MED13: variants seen among roughly 807,000 people sequenced by gnomAD.
MED13 encodes mediator complex subunit 13, also known as mediator of RNA polymerase II transcription subunit 13.
MED13 carries 23 observed loss-of-function variants against 225.2 expected under a neutral mutation model. The ratio of observed to expected loss-of-function variants is 0.10; its 90% CI spans 0.07 to 0.14. The LOEUF is 0.14. Ranked by LOEUF, MED13 falls within the 10% of genes least tolerant of loss-of-function variation. The pLI is 1.00. For missense variants in MED13, 2,197 were observed against 2,594.5 expected, an observed-to-expected ratio of 0.85 and a Z score of 3.33; for synonymous variants, 942 against 889.2, an observed-to-expected ratio of 1.06 and a Z score of -1.06.
At chr17:62,059,379 C>G (rs2081020356) in intron 2 of MED13, among the ~76,000 whole-genome samples, 1 of 152,164 alleles carries the variant, frequency 6.6e-6, no homozygotes. Flanking sequence ...TCCCTCACTA[C>G]CAAGAAAAAC....
Position 62,008,357 on chromosome 17 carries a change from T to C in MED13, c.1967+2193A>G, listed in dbSNP as rs2080474577. On this transcript the variant is annotated intron_variant, in intron 9 of 29. Coordinates refer to ENST00000397786, the MANE Select transcript of MED13 (RefSeq NM_005121.3). ...AAAAAAAAAAAATTGAGTTAGCCTT[T>C]CAAGTGCCCAGCACAAGGACTGGAA... 2.1e-5 allele frequency among the ~76,000 whole-genome samples: 3 copies of C among 145,800 alleles called. No homozygotes were observed. The South Asian group carries it at 6.5e-4, about 32-fold the overall frequency.
At chr17:62,044,115 G>A (rs2080878180) in intron 3 of MED13, among the ~76,000 whole-genome samples, 1 of 151,884 alleles carries the variant, frequency 6.6e-6, no homozygotes, top group African/African-American at 2.4e-5. Context: ...ACATCTCATG[G>A]TGCCTATTTT....
rs75540664 is a variant in MED13, at chr17:62,000,492, A to G, written c.1968-5127T>C. On this transcript the variant is annotated intron_variant, in intron 9 of 29. Coordinates refer to ENST00000397786, the MANE Select transcript of MED13 (RefSeq NM_005121.3). Reference sequence around the variant, plus strand: ...TACATAGCTAAAGTCATGTAGTACAAAAAGATGAAAAGCCTAAGTATCAAT... The same window carrying G: ...TACATAGCTAAAGTCATGTAGTACAGAAAGATGAAAAGCCTAAGTATCAAT... 4.8e-3 allele frequency among the ~76,000 whole-genome samples: 724 copies of G among 152,330 alleles called. 6 individuals carry two copies. The highest frequency in any genetic ancestry group is 0.015 in the African/African-American group (609 of 41,584).
rs1384913671 is a variant in MED13, at chr17:61,944,047, T to TA, written c.*2420dup. On this transcript the variant is annotated 3_prime_UTR_variant, in exon 30 of 30. Coordinates refer to ENST00000397786, the MANE Select transcript of MED13 (RefSeq NM_005121.3). ...CTGAGCTTTTCTAATGGTTATTTAA[T>TA]AACTTTCCATTGAGTTTGAATGGAT... 1 of 152,626 alleles carries TA rather than the reference T, an allele frequency of 6.6e-6. No homozygotes were observed. Among genetic ancestry groups the TA allele is most frequent in the East Asian group, 1.9e-4 (1 of 5,200 alleles). The allele number at this position is 152,626 out of a possible 1,614,324, so 9.5% of individuals were successfully genotyped here. A position where few individuals can be genotyped will look rare whatever the true frequency, so the allele number is the denominator to read the frequency against.
At position 61,961,691 on chromosome 17, in the gene MED13, G is replaced by A; in HGVS notation, c.5153C>T (p.Ala1718Val). 3 of 1,614,042 alleles carry A rather than the reference G, an allele frequency of 1.9e-6. No homozygotes were observed. Among genetic ancestry groups the A allele is most frequent in the Non-Finnish European group, 2.5e-6 (3 of 1,179,982 alleles). The change falls in exon 22 of 30, where the codon GCC (alanine) becomes GTC (valine). Residue 1718 changes from alanine (A) to valine (V), a missense_variant. By Grantham distance (64) the Ala-to-Val change is moderately conservative. Coordinates refer to ENST00000397786, the MANE Select transcript of MED13 (RefSeq NM_005121.3). ...PQHLKSLAFS[A>V]FTQCRRPLPT... ...AAGTGGCCTCCGACACTGGGTAAAG[G>A]CCGAAAAAGCCAGGGATTTTAAATG... is the stretch of plus-strand genomic sequence containing the variant.
At chr17:61,979,863 C>T (rs1169637276) in intron 16 of MED13, among the ~76,000 whole-genome samples, 2 of 152,122 alleles carry the variant, frequency 1.3e-5, no homozygotes, top group African/African-American at 2.4e-5. Context: ...CTTAATGTAT[C>T]GAAGTATTTG....
intron 9 of MED13, among the ~76,000 whole-genome samples, chr17:62,002,607 GAC>G (rs1226199028): frequency 6.6e-6 from 1 of 151,726 alleles, no homozygotes; most frequent in East Asian, 1.9e-4. Flanking sequence ...TCTACAAGGA[GAC>G]AACTATTATT....
intron 3 of MED13, among the ~76,000 whole-genome samples, chr17:62,040,107 C>G (rs1349064877): frequency 6.6e-6 from 1 of 152,130 alleles, no homozygotes; most frequent in African/African-American, 2.4e-5. Flanking sequence ...ATATTCTAGT[C>G]AGAGAATATT....
intron 3 of MED13, among the ~76,000 whole-genome samples, chr17:62,042,499 T>C (rs560785374): frequency 3.5e-4 from 51 of 146,434 alleles, no homozygotes; most frequent in African/African-American, 1.2e-3. Flanking sequence ...GAGGTGGCAG[T>C]TGCAATGAGC....
intron 9 of MED13, among the ~76,000 whole-genome samples, chr17:62,009,333 CTA>C (rs2080484709): frequency 6.6e-6 from 1 of 151,998 alleles, no homozygotes; most frequent in African/African-American, 2.4e-5. Context: ...AGGAAGAAAC[CTA>C]TAGCACATAA....
chr17:61,970,631 A>G (rs4968465), intron 17 of MED13, among the ~76,000 whole-genome samples: 144,059 of 144,902 alleles, frequency 0.99, 71,616 homozygotes, highest in Middle Eastern at 1. Context: ...GCAGTGAGCT[A>G]AGATCATGCC....
At chr17:61,958,371 G>C (rs542393607) in intron 23 of MED13, among the ~76,000 whole-genome samples, 1 of 149,746 alleles carries the variant, frequency 6.7e-6, no homozygotes, top group Admixed American at 6.7e-5. Context: ...CAAGAGTCTC[G>C]CTCTGTTGCC....
chr17:62,048,260 C>G (rs946216192), intron 3 of MED13, among the ~76,000 whole-genome samples: 4 of 150,064 alleles, frequency 2.7e-5, no homozygotes, highest in African/African-American at 9.8e-5. Flanking sequence ...CAAAAATTAG[C>G]CAGTCGTGGT....
At position 61,968,745 on chromosome 17, in the gene MED13, A is replaced by C. The variant is rs187441453; in HGVS notation, c.3968-487T>G. ...TCAACATTAAGGAATTTCCTAAACA[A>C]GTCTTTTTATTTACTTATTTTTTTG... On this transcript the variant is annotated intron_variant, in intron 17 of 29. Coordinates refer to ENST00000397786, the MANE Select transcript of MED13 (RefSeq NM_005121.3). 2.6e-5 allele frequency among the ~76,000 whole-genome samples: 4 copies of C among 152,224 alleles called. No individual in the cohort carries two copies. The East Asian group carries it at 7.7e-4, about 29-fold the overall frequency.
intron 9 of MED13, among the ~76,000 whole-genome samples, chr17:61,995,831 T>C (rs540101924): frequency 1.3e-5 from 2 of 152,300 alleles, no homozygotes; most frequent in Admixed American, 6.5e-5. Context: ...TGAGTAGATA[T>C]ACTTTAAGTT....
chr17:61,995,504 A>G, intron 9 of MED13, 139 bp from the exon 10 acceptor site: 1 of 589,322 alleles, frequency 1.7e-6, no homozygotes, highest in Non-Finnish European at 2.7e-6. Flanking sequence ...ATGAGGAGGC[A>G]TGAAAATATT....
chr17:61,962,730 T>G (rs991069438), intron 21 of MED13, 22 bp downstream of exon 21: 4 of 1,598,850 alleles, frequency 2.5e-6, no homozygotes, highest in Non-Finnish European at 3.4e-6. Context: ...TAATTTTAAC[T>G]CACAACATCT....
intron 8 of MED13, among the ~76,000 whole-genome samples, chr17:62,021,329 A>C (rs1480567474): frequency 6.1e-5 from 7 of 115,502 alleles, no homozygotes; most frequent in South Asian, 3.0e-4. Context: ...TGACCCCCCC[A>C]CCTCCCTCCC....
At chr17:61,952,827 G>GGGT in intron 27 of MED13, 138 bp downstream of exon 27, 1 of 909,600 alleles carries the variant, frequency 1.1e-6, no homozygotes, top group South Asian at 1.8e-5. Context: ...AGTAGAGATG[G>GGGT]GGTTTCACCA....
Sources: allele counts gnomAD v4.1 joint callset (sites outside exome capture counted in the v4.1 genomes callset), GRCh38; gene constraint gnomAD v4.1.1; transcripts MANE v1.5; gene names NCBI Gene and HGNC (gene_info 2026-07-23, HGNC 2026-07-21).